Variants in TRPM3 observed in about 807,000 individuals in gnomAD.
TRPM3 encodes long transient receptor potential channel 3.
In TRPM3, 77 loss-of-function variants were observed where a neutral mutation model predicts 181.2. The observed-to-expected ratio is 0.42, with a 90% CI of 0.35 to 0.51. The LOEUF (loss-of-function observed/expected upper bound fraction) is 0.51, where lower values mean the gene tolerates loss of function less well. Among genes scored for constraint, TRPM3 ranks in the 20% least tolerant of loss-of-function variants. TRPM3 has a pLI of 0.01. For missense variants in TRPM3, 1,759 were observed against 2,196.7 expected (o/e 0.80, Z 3.98); for synonymous variants, 745 against 796.4 (o/e 0.94, Z 1.09).
intron 5 of TRPM3, among the ~76,000 whole-genome samples, chr9:70,840,226 G>C (rs1037162690): frequency 6.6e-6 from 1 of 152,028 alleles, no homozygotes; most frequent in African/African-American, 2.4e-5. Context: ...TATCACACAA[G>C]AGCCTGAGAA....
chr9:70,603,193 G>A lies in TRPM3; in HGVS notation c.2796+149C>T, dbSNP rs555736990. The A allele has an allele frequency of 2.1e-5, 19 of 915,822 alleles. No individual in the cohort carries two copies. The African/African-American group carries it at 2.8e-4, about 14-fold the overall frequency. The allele number at this position is 915,822 out of a possible 1,614,324, so 56.7% of individuals were successfully genotyped here. ...CACACTGTGAAGCCTCCCCAGGTTT[G>A]TCAGAGGAGCAAAGAAGCAGCTGTG... On this transcript the variant is annotated intron_variant, in intron 20 of 25. Transcript: ENST00000677713.
intron 1 of TRPM3, among the ~76,000 whole-genome samples, chr9:71,054,086 T>C (rs1218142910): frequency 6.6e-6 from 1 of 152,102 alleles, no homozygotes; most frequent in African/African-American, 2.4e-5. Flanking sequence ...ATGTATGCCT[T>C]TAGCATGATG....
At chr9:70,911,515 C>A (rs1171914513) in intron 1 of TRPM3, among the ~76,000 whole-genome samples, 1 of 152,176 alleles carries the variant, frequency 6.6e-6, no homozygotes, top group Non-Finnish European at 1.5e-5. Flanking sequence ...TAATGGACTC[C>A]AATTAGATGC....
intron 1 of TRPM3, among the ~76,000 whole-genome samples, chr9:70,923,828 C>CCATA (rs2096686897): frequency 7.3e-6 from 1 of 136,060 alleles, no homozygotes; most frequent in Non-Finnish European, 1.6e-5. Flanking sequence ...CTCTCTCTCT[C>CCATA]TATATATATA....
chr9:70,789,747 T>C (rs17462535), intron 6 of TRPM3, among the ~76,000 whole-genome samples: 11,160 of 152,294 alleles, frequency 0.073, 586 homozygotes, highest in East Asian at 0.13. Flanking sequence ...GTAACAGATT[T>C]AACAGCTCTG....
intron 1 of TRPM3, among the ~76,000 whole-genome samples, chr9:70,938,222 T>C (rs2096848161): frequency 6.6e-6 from 1 of 152,186 alleles, no homozygotes; most frequent in Admixed American, 6.5e-5. Flanking sequence ...GCTAGAGCTC[T>C]AGACAGGTTC....
chr9:71,120,021 A>G (rs942235495), intron 1 of TRPM3, among the ~76,000 whole-genome samples: 1 of 152,170 alleles, frequency 6.6e-6, no homozygotes, highest in African/African-American at 2.4e-5. Flanking sequence ...GAAAAGGAAA[A>G]CTCAGGCAAG....
chr9:71,015,439 T>C (rs2097776897), intron 1 of TRPM3, among the ~76,000 whole-genome samples: 1 of 152,198 alleles, frequency 6.6e-6, no homozygotes, highest in Non-Finnish European at 1.5e-5. Context: ...TTTCCCATGT[T>C]CCAGATAACC....
chr9:71,336,535 T>G (rs1053367263), intron 1 of TRPM3, among the ~76,000 whole-genome samples: 1 of 152,128 alleles, frequency 6.6e-6, no homozygotes, highest in Non-Finnish European at 1.5e-5. Context: ...CCCAAAGTAA[T>G]TTATAGATTC....
At chr9:71,396,104 AAC>A (rs1325244677) in intron 1 of TRPM3, among the ~76,000 whole-genome samples, 2 of 152,200 alleles carry the variant, frequency 1.3e-5, no homozygotes, top group African/African-American at 4.8e-5. Flanking sequence ...AGGATTAAAA[AAC>A]AAATTCAAGC....
At chr9:71,396,772 G>A (rs758963480) in intron 1 of TRPM3, among the ~76,000 whole-genome samples, 2 of 151,720 alleles carry the variant, frequency 1.3e-5, no homozygotes, top group Non-Finnish European at 2.9e-5. Flanking sequence ...ACCCATCCTG[G>A]CTAACACGGT....
intron 9 of TRPM3, among the ~76,000 whole-genome samples, chr9:70,669,398 T>G (rs1205387320): frequency 6.6e-6 from 1 of 152,214 alleles, no homozygotes; most frequent in Non-Finnish European, 1.5e-5. Flanking sequence ...TAAGTCTACA[T>G]GTTACAGCTT....
rs1029482146 is a variant in TRPM3 at position 70,531,789 on chromosome 9, A to G, written c.*4164T>C. Reference sequence around the variant, plus strand: ...AACATGCCAGTTCATCTTTCACAAAATCACAACTTGCCTACCACAGCTCGC... The same window carrying G: ...AACATGCCAGTTCATCTTTCACAAAGTCACAACTTGCCTACCACAGCTCGC... On this transcript the variant is annotated 3_prime_UTR_variant, in exon 26 of 26. Coordinates refer to ENST00000677713, the MANE Select transcript of TRPM3 (RefSeq NM_001366145.2). The G allele has an allele frequency of 5.9e-5, 9 of 152,184 alleles. No individual in the cohort carries two copies. The highest frequency in any genetic ancestry group is 2.2e-4 in the African/African-American group (9 of 41,446). 9.4% of individuals were successfully genotyped at this position (152,184 alleles called of 1,614,324 possible).
chr9:71,247,305 G>T (rs2082084886), intron 1 of TRPM3, among the ~76,000 whole-genome samples: 1 of 129,290 alleles, frequency 7.7e-6, no homozygotes, highest in Non-Finnish European at 1.5e-5. Flanking sequence ...AGTAAGCCGA[G>T]ATCATGCCTC....
intron 20 of TRPM3, among the ~76,000 whole-genome samples, chr9:70,602,124 T>C (rs986524951): frequency 1.3e-5 from 2 of 150,458 alleles, no homozygotes; most frequent in Admixed American, 1.3e-4. Flanking sequence ...TTTTTTTTTT[T>C]AAATCCAGGC....
chr9:70,640,165 C>T (rs1453432960), intron 10 of TRPM3, among the ~76,000 whole-genome samples: 1 of 152,202 alleles, frequency 6.6e-6, no homozygotes, highest in Non-Finnish European at 1.5e-5. Flanking sequence ...GCTAATTCTG[C>T]ATCCTGAGGT....
intron 6 of TRPM3, among the ~76,000 whole-genome samples, chr9:70,793,050 C>G (rs12156465): frequency 2.6e-5 from 4 of 152,062 alleles, no homozygotes; most frequent in African/African-American, 9.7e-5. Context: ...CTTTTATTTA[C>G]AAACATTTAA....
rs139296554 is a variant in TRPM3, at chr9:70,690,431, C to T, written c.1273-8853G>A. On this transcript the variant is annotated intron_variant, in intron 8 of 25. Transcript: ENST00000677713. Reference sequence around the variant, plus strand: ...CTGAAATATTTCCTATTTTCCTACTCAGTTTTTTCATAGAATCTGGCAATG... The same window carrying T: ...CTGAAATATTTCCTATTTTCCTACTTAGTTTTTTCATAGAATCTGGCAATG... 1.8e-3 allele frequency among the ~76,000 whole-genome samples: 267 copies of T among 152,196 alleles called. 1 individual carries two copies. The highest frequency in any genetic ancestry group is 6.0e-3 in the African/African-American group (250 of 41,536).
At chr9:71,237,108 G>GAAAGGA (rs1234039864) in intron 1 of TRPM3, among the ~76,000 whole-genome samples, 1 of 150,194 alleles carries the variant, frequency 6.7e-6, no homozygotes, top group Non-Finnish European at 1.5e-5. Context: ...GGGGAAAGGG[G>GAAAGGA]AAAGGAAAAG....
Sources: allele counts gnomAD v4.1 joint callset (sites outside exome capture counted in the v4.1 genomes callset), GRCh38; gene constraint gnomAD v4.1.1; transcripts MANE v1.5; gene names NCBI Gene and HGNC (gene_info 2026-07-23, HGNC 2026-07-21).